Variants in ZFPM2 observed in about 807,000 individuals in gnomAD.
ZFPM2 encodes zinc finger protein, FOG family member 2.
A neutral mutation model predicts 98.6 loss-of-function variants in ZFPM2; 20 were observed. That is an observed-to-expected ratio of 0.20 (90% confidence interval 0.14 to 0.29). ZFPM2 has a LOEUF of 0.29. Ranked by LOEUF, ZFPM2 falls within the 10% of genes least tolerant of loss-of-function variation. ZFPM2 has a pLI of 1.00. For missense variants in ZFPM2, 1,310 were observed against 1,388.6 expected (o/e 0.94, Z 0.90); for synonymous variants, 518 against 502.7 (o/e 1.03, Z -0.41).
chr8:105,656,794 G>A (rs1401697137), intron 5 of ZFPM2, among the ~76,000 whole-genome samples: 1 of 152,160 alleles, frequency 6.6e-6, no homozygotes, highest in African/African-American at 2.4e-5. Flanking sequence ...CTTTTATCTA[G>A]TGAACATCCC....
chr8:105,453,380 T>C (rs376688099), intron 3 of ZFPM2, among the ~76,000 whole-genome samples: 9 of 152,220 alleles, frequency 5.9e-5, no homozygotes, highest in East Asian at 5.8e-4. Flanking sequence ...ATATTATCAG[T>C]GGTGGGGCCA....
chr8:105,804,523 T>C lies in ZFPM2; in HGVS notation c.*985T>C, dbSNP rs2131186463. ...TGCATGTATATGGATGGAATAAAAT[T>C]CCAGATTGTTGGAGAAGTTTGGCAC... On this transcript the variant is annotated 3_prime_UTR_variant, in exon 8 of 8. Transcript: ENST00000407775. 6.6e-6 allele frequency: 1 copy of C among 152,616 alleles called. No homozygotes were observed. Among genetic ancestry groups the C allele is most frequent in the South Asian group, 2.1e-4 (1 of 4,822 alleles). The allele number at this position is 152,616 out of a possible 1,614,324, so 9.5% of individuals were successfully genotyped here.
At chr8:105,786,347 T>C (rs1473544980) in intron 5 of ZFPM2, among the ~76,000 whole-genome samples, 1 of 152,208 alleles carries the variant, frequency 6.6e-6, no homozygotes, top group African/African-American at 2.4e-5. Flanking sequence ...TAATGTGATA[T>C]TGTAATATAT....
intron 3 of ZFPM2, among the ~76,000 whole-genome samples, chr8:105,464,423 A>G (rs1261272143): frequency 2.0e-5 from 3 of 152,038 alleles, no homozygotes; most frequent in Non-Finnish European, 4.4e-5. Flanking sequence ...CTGCTATTCA[A>G]TAGGGAGCTC....
At chr8:105,786,041 CAAAAAA>C (rs60740995) in intron 5 of ZFPM2, among the ~76,000 whole-genome samples, 6 of 39,850 alleles carry the variant, frequency 1.5e-4, no homozygotes, top group Admixed American at 3.9e-4. Flanking sequence ...GACTCCGTCT[CAAAAAA>C]AAAAAAAAAA....
At chr8:105,515,871 T>G (rs1288810468) in intron 3 of ZFPM2, among the ~76,000 whole-genome samples, 3 of 151,880 alleles carry the variant, frequency 2.0e-5, no homozygotes, top group Non-Finnish European at 4.4e-5. Flanking sequence ...GCATGTCCAC[T>G]TCTTGAACCA....
intron 1 of ZFPM2, among the ~76,000 whole-genome samples, chr8:105,331,223 T>C (rs926933987): frequency 5.3e-5 from 8 of 151,070 alleles, no homozygotes; most frequent in African/African-American, 1.9e-4. Flanking sequence ...TAAATAATTA[T>C]GATCAACAAT....
At chr8:105,535,393 G>A (rs978997148) in intron 3 of ZFPM2, among the ~76,000 whole-genome samples, 1 of 152,128 alleles carries the variant, frequency 6.6e-6, no homozygotes, top group Non-Finnish European at 1.5e-5. Context: ...GAAAGCCACA[G>A]TTAAACCCAA....
intron 3 of ZFPM2, among the ~76,000 whole-genome samples, chr8:105,517,311 A>T (rs1450413541): frequency 6.6e-6 from 1 of 152,194 alleles, no homozygotes; most frequent in Admixed American, 6.5e-5. Context: ...TATACTCAGG[A>T]TACACGCTGT....
chr8:105,354,145 T>C (rs1220774638), intron 1 of ZFPM2, among the ~76,000 whole-genome samples: 1 of 152,342 alleles, frequency 6.6e-6, no homozygotes, highest in South Asian at 2.1e-4. Context: ...GATTAAGATA[T>C]GTTAAACGGA....
chr8:105,591,955 A>G (rs993410760), intron 4 of ZFPM2, among the ~76,000 whole-genome samples: 1 of 152,196 alleles, frequency 6.6e-6, no homozygotes. Context: ...TTAATTGTGT[A>G]AAAGAAAAAT....
At chr8:105,423,655 C>A (rs575702923) in intron 2 of ZFPM2, among the ~76,000 whole-genome samples, 40 of 152,256 alleles carry the variant, frequency 2.6e-4, no homozygotes, top group African/African-American at 9.1e-4. Context: ...GTCTGCCTTT[C>A]TTCTGGTTTA....
rs1308394477 is a variant in ZFPM2 at position 105,801,075 on chromosome 8, T to G, written c.993T>G (p.Pro331=). The G allele has an allele frequency of 6.2e-7, 1 of 1,613,434 alleles. No homozygotes were observed. Among genetic ancestry groups the G allele is most frequent in the Admixed American group, 1.7e-5 (1 of 59,994 alleles). The change falls in exon 8 of 8, where the codon CCT becomes CCG. Residue 331 remains proline, a synonymous_variant. Transcript: ENST00000407775. ...TGAAAATGGAAGAATTCCTGCCCCC[T>G]GGTGCTAGTCTAAAATGCACCGTCT... ...SGVKMEEFLP[P]GASLKCTVCS...
chr8:105,791,581 G>A (rs984409997), intron 6 of ZFPM2, among the ~76,000 whole-genome samples: 6 of 152,166 alleles, frequency 3.9e-5, no homozygotes, highest in Admixed American at 3.9e-4. Flanking sequence ...CCCGGCTTTG[G>A]TATCAGGATG....
In ZFPM2 at chr8:105,695,876, A is replaced by C. The variant is rs1301310003; in HGVS notation, c.532+61519A>C. Reference sequence around the variant, plus strand: ...TGATCCCACTTTAGAAATGAGAAAAAAGAGTGCTTTTGTAAAGTAGATGGA... The same window carrying C: ...TGATCCCACTTTAGAAATGAGAAAACAGAGTGCTTTTGTAAAGTAGATGGA... On this transcript the variant is annotated intron_variant, in intron 5 of 7. Coordinates refer to ENST00000407775, the MANE Select transcript of ZFPM2 (RefSeq NM_012082.4). Among the ~76,000 whole-genome samples the C allele has an allele frequency of 4.6e-5, 7 of 152,250 alleles. No homozygotes were observed. The East Asian group carries it at 1.4e-3, about 29-fold the overall frequency.
At chr8:105,455,555 A>G (rs1276855772) in intron 3 of ZFPM2, among the ~76,000 whole-genome samples, 1 of 151,886 alleles carries the variant, frequency 6.6e-6, no homozygotes, top group African/African-American at 2.4e-5. Flanking sequence ...CTGAAGACAT[A>G]TAATTCAGAG....
In ZFPM2 at chr8:105,619,690, C is replaced by A. The variant is rs1031628648; in HGVS notation, c.421-14556C>A. On this transcript the variant is annotated intron_variant, in intron 4 of 7. Transcript: ENST00000407775. ...TAATGCTATCCCTCCCGCCTCCCCCCACCCCGCGACAGGCCCCAGTGTGAT... is the reference window on the plus strand; with the variant it reads ...TAATGCTATCCCTCCCGCCTCCCCCAACCCCGCGACAGGCCCCAGTGTGAT... Among the ~76,000 whole-genome samples, 10 of 151,686 alleles carry A rather than the reference C, an allele frequency of 6.6e-5. No individual in the cohort carries two copies. The East Asian group carries it at 7.8e-4, about 12-fold the overall frequency.
chr8:105,444,423 T>C (rs1455998768), intron 3 of ZFPM2, 42 bp downstream of exon 3: 1 of 1,447,330 alleles, frequency 6.9e-7, no homozygotes, highest in Non-Finnish European at 9.4e-7. Context: ...TTAGTACTGT[T>C]AGAAATACAC....
At chr8:105,422,047 C>CAA (rs747630701) in intron 2 of ZFPM2, among the ~76,000 whole-genome samples, 894 of 50,366 alleles carry the variant, frequency 0.018, 25 homozygotes, top group Non-Finnish European at 0.021. Context: ...GACTCCATCT[C>CAA]AAAAAAAAAA....
Sources: gnomAD v4.1 joint callset for allele counts (sites outside exome capture counted in the v4.1 genomes callset) on GRCh38, gnomAD v4.1.1 for gene constraint, MANE v1.5 for transcripts, NCBI Gene and HGNC (gene_info 2026-07-23, HGNC 2026-07-21) for gene names.